Variants in TACC3 observed in about 807,000 individuals in gnomAD.
The protein encoded by TACC3 is transforming acidic coiled-coil containing protein 3, also known as transforming acidic coiled-coil-containing protein 3.
Under a neutral mutation model 86.0 loss-of-function variants are expected in TACC3, and 52 were observed. That is an observed-to-expected ratio of 0.60 (90% CI 0.48 to 0.76). The LOEUF (loss-of-function observed/expected upper bound fraction) is 0.76. TACC3 is among the 30% of genes least tolerant of loss of function. The pLI, the probability that TACC3 is intolerant of heterozygous loss-of-function variation, is 0.00. For missense variants in TACC3, 1,120 were observed against 1,070.4 expected (o/e 1.05, Z -0.65); for synonymous variants, 512 against 430.0 (o/e 1.19, Z -2.36).
chr4:1,723,470 ACAG>A lies in TACC3; in HGVS notation c.50_52del (p.Thr17_Glu18delinsLys). 1 of 1,613,676 alleles carries A rather than the reference ACAG, an allele frequency of 6.2e-7. No homozygotes were observed. The highest frequency in any genetic ancestry group is 8.5e-7 in the Non-Finnish European group (1 of 1,179,986). ...CAAAAATGTCAGCAATGAAAAAAAT[ACAG>A]AAAATTGCGACTTCCTGTTTTCGCC... On this transcript the variant is annotated inframe_deletion, in exon 2 of 16. Coordinates refer to ENST00000313288, the MANE Select transcript of TACC3 (RefSeq NM_006342.3).
chr4:1,735,072 G>A lies in TACC3; in HGVS notation c.1592-201G>A, dbSNP rs1037994227. Among the ~76,000 whole-genome samples the A allele has an allele frequency of 6.6e-6, 1 of 152,204 alleles. No homozygotes were observed. Among genetic ancestry groups the A allele is most frequent in the Admixed American group, 6.5e-5 (1 of 15,288 alleles). On this transcript the variant is annotated intron_variant, in intron 6 of 15. Coordinates refer to ENST00000313288, the MANE Select transcript of TACC3 (RefSeq NM_006342.3). This position sits in a 1 kb window ranked among gnomAD's most constrained non-coding sequence, Gnocchi z 4.2. The stretch of plus-strand genomic sequence containing the variant: ...GCTGGCAGGGAGTGGGTAGAGGCTG[G>A]GGATGCCGCTCAGCACCCTGCGGTG...
intron 10 of TACC3, chr4:1,737,995 G>A (rs775036662): frequency 2.0e-6 from 1 of 488,436 alleles, no homozygotes; most frequent in African/African-American, 1.9e-5. Flanking sequence ...CAGTGAGTGT[G>A]GTTCTTGCTG....
intron 13 of TACC3, among the ~76,000 whole-genome samples, chr4:1,743,688 C>T (rs1718702287): frequency 6.6e-6 from 1 of 152,228 alleles, no homozygotes; most frequent in African/African-American, 2.4e-5. Context: ...GTGTGGACGG[C>T]AGCCCCCAGA....
chr4:1,742,404 C>T (rs922011307), intron 13 of TACC3, among the ~76,000 whole-genome samples: 2 of 152,256 alleles, frequency 1.3e-5, no homozygotes, highest in African/African-American at 4.8e-5. Context: ...TGTGCCTCAG[C>T]TCCCACTGGC....
Position 1,727,736 on chromosome 4 carries a change from A to G in TACC3, c.334A>G (p.Lys112Glu), listed in dbSNP as rs759584295. 2.5e-6 allele frequency: 4 copies of G among 1,594,002 alleles called. No homozygotes were observed. Among genetic ancestry groups the G allele is most frequent in the Admixed American group, 1.7e-5 (1 of 57,302 alleles). ...ACAGCTCATCAAGGAAGTGGATGCC[A>G]AAACTACTCATGGAATTCTACAGAA... The part of the protein sequence containing the change: ...NQQLIKEVDA[K>E]TTHGILQKPV... Residue 112 changes from lysine (K) to glutamate (E), a missense_variant, in exon 4 of 16, where the codon AAA (lysine) becomes GAA (glutamate). By Grantham distance (56) the Lys-to-Glu change is moderately conservative (BLOSUM62 1). Coordinates refer to ENST00000313288, the MANE Select transcript of TACC3 (RefSeq NM_006342.3).
intron 3 of TACC3, among the ~76,000 whole-genome samples, chr4:1,727,000 G>A (rs989393755): frequency 2.6e-5 from 4 of 152,142 alleles, no homozygotes; most frequent in African/African-American, 7.2e-5. Context: ...ACATGGTGGC[G>A]GGCACCTGTA....
intron 10 of TACC3, among the ~76,000 whole-genome samples, chr4:1,739,075 G>A (rs549108557): frequency 4.6e-5 from 7 of 152,288 alleles, no homozygotes; most frequent in East Asian, 1.9e-4. Flanking sequence ...TTGGGAGGCC[G>A]AGGTGGGCGG....
At chr4:1,726,840 T>C (rs1445077487) in intron 3 of TACC3, among the ~76,000 whole-genome samples, 1 of 151,990 alleles carries the variant, frequency 6.6e-6, no homozygotes, top group Non-Finnish European at 1.5e-5. Context: ...TTACAGGAAA[T>C]GGTGGATGCC....
chr4:1,729,418 G>A (rs750652174), intron 4 of TACC3, among the ~76,000 whole-genome samples: 5 of 152,182 alleles, frequency 3.3e-5, no homozygotes, highest in Middle Eastern at 3.4e-3. Flanking sequence ...TAATGGCCCC[G>A]AATGTCTGGC....
rs749461763 is a variant in TACC3 at position 1,740,911 on chromosome 4, C to T, written c.2148C>T (p.Asn716=). The T allele has an allele frequency of 6.7e-5, 108 of 1,613,336 alleles. 4 individuals carry two copies. In the South Asian group the frequency reaches 8.8e-4, roughly 13 times the overall value. ...KEKDQLTTDL[N]SMEKSFSDLF... ...AAGACCAACTTACCACAGATCTGAA[C>T]TCCATGGAGAAGTCCTTCTCCGACC... Residue 716 remains asparagine, a synonymous_variant, in exon 13 of 16, where the codon AAC becomes AAT. Coordinates refer to ENST00000313288, the MANE Select transcript of TACC3 (RefSeq NM_006342.3).
At position 1,728,014 on chromosome 4, in the gene TACC3, C is replaced by T. The variant is rs1490121612; in HGVS notation, c.612C>T (p.Asp204=). Residue 204 remains aspartate (D), a synonymous_variant, in exon 4 of 16, where the codon GAC becomes GAT. Coordinates refer to ENST00000313288, the MANE Select transcript of TACC3 (RefSeq NM_006342.3). ...RVTPASETLE[D]PCRTESQHKA... ...CACCCGCCTCTGAGACCCTAGAAGA[C>T]CCTTGCAGGACAGAGTCCCAGCACA... is the stretch of plus-strand genomic sequence containing the variant. The T allele has an allele frequency of 6.2e-7, 1 of 1,613,226 alleles. No homozygotes were observed. The highest frequency in any genetic ancestry group is 2.2e-5 in the East Asian group (1 of 44,868).
Position 1,744,504 on chromosome 4 carries a change from C to T in TACC3, c.2224-14C>T. ...ACGGCGTGGTACCCACAGCTAATGC[C>T]TGCCCCTTCCTAGAACGAAGAGTCA... On this transcript the variant is annotated splice_polypyrimidine_tract_variant and intron_variant, in intron 13 of 15. Transcript: ENST00000313288. 6.2e-7 allele frequency: 1 copy of T among 1,610,790 alleles called. No homozygotes were observed. The highest frequency in any genetic ancestry group is 1.1e-5 in the South Asian group (1 of 90,842).
Position 1,735,214 on chromosome 4 carries a change from C to G in TACC3, c.1592-59C>G. 1 of 1,606,858 alleles carries G rather than the reference C, an allele frequency of 6.2e-7. No individual in the cohort carries two copies. The highest frequency in any genetic ancestry group is 8.5e-7 in the Non-Finnish European group (1 of 1,174,522). On this transcript the variant is annotated intron_variant, in intron 6 of 15. Coordinates refer to ENST00000313288, the MANE Select transcript of TACC3 (RefSeq NM_006342.3). This position sits in a 1 kb window ranked among gnomAD's most constrained non-coding sequence, Gnocchi z 4.2. ...ACTGAGTGCTGAGGGAGACACCAGCCCGCCGCCCTTAGGGCCCTGGTGAGG... is the reference window on the plus strand; with the variant it reads ...ACTGAGTGCTGAGGGAGACACCAGCGCGCCGCCCTTAGGGCCCTGGTGAGG...
At chr4:1,743,823 G>A (rs1264841051) in intron 13 of TACC3, among the ~76,000 whole-genome samples, 1 of 152,218 alleles carries the variant, frequency 6.6e-6, no homozygotes, top group African/African-American at 2.4e-5. Context: ...AGTGCTGTGG[G>A]TTTAAGGGAG....
intron 8 of TACC3, among the ~76,000 whole-genome samples, chr4:1,736,540 C>T (rs969830050): frequency 2.0e-5 from 3 of 152,080 alleles, no homozygotes; most frequent in African/African-American, 7.2e-5. Flanking sequence ...CATGCCCGTT[C>T]CTTTGCAAAT....
chr4:1,721,409 C>T (rs1577201723), upstream of TACC3: 1 of 152,006 alleles, frequency 6.6e-6, no homozygotes, highest in Non-Finnish European at 1.5e-5. Flanking sequence ...GCCGGCGAGG[C>T]ACAGCTTCCC....
chr4:1,730,449 T>C (rs1181869098), intron 4 of TACC3: 2 of 310,056 alleles, frequency 6.5e-6, no homozygotes, highest in Non-Finnish European at 1.3e-5. Context: ...AATCTATTTC[T>C]AGTATAACTA....
chr4:1,721,687 G>A (rs1717372433), intron 1 of TACC3, 44 bp downstream of exon 1: 2 of 151,768 alleles, frequency 1.3e-5, no homozygotes, highest in African/African-American at 2.4e-5. Context: ...GGGTCCTGGG[G>A]GCGCGAGGCC....
At chr4:1,740,659 G>A (rs1039018773) in intron 12 of TACC3, 167 bp from the exon 13 acceptor site, 45 of 620,694 alleles carry the variant, frequency 7.2e-5, no homozygotes, top group African/African-American at 6.9e-4. Flanking sequence ...CTTTGCATCC[G>A]GCCTAGAAGA....
Sources: allele counts gnomAD v4.1 joint callset (sites outside exome capture counted in the v4.1 genomes callset), GRCh38; gene constraint gnomAD v4.1.1; non-coding constraint Gnocchi (gnomAD v3.1); transcripts MANE v1.5; gene names NCBI Gene and HGNC (gene_info 2026-07-23, HGNC 2026-07-21).